ROBO2: variants seen among roughly 807,000 people sequenced by gnomAD.
ROBO2 encodes the protein roundabout homolog 2.
ROBO2 carries 53 observed loss-of-function variants against 160.8 expected under a neutral mutation model. That is an observed-to-expected ratio of 0.33 (90% CI 0.26 to 0.41). ROBO2 has a LOEUF of 0.41. Among genes scored for constraint, ROBO2 ranks in the 10% least tolerant of loss-of-function variants. The pLI is 1.00. For missense variants in ROBO2, 1,577 were observed against 1,722.4 expected, an observed-to-expected ratio of 0.92 and a Z score of 1.49; for synonymous variants, 664 against 611.7, an observed-to-expected ratio of 1.09 and a Z score of -1.26.
rs902492283 is a variant in ROBO2, at chr3:76,478,389, T to C, written c.109+540787T>C. Among the ~76,000 whole-genome samples the C allele has an allele frequency of 2.1e-3, 317 of 151,942 alleles. 1 individual carries two copies. The highest frequency in any genetic ancestry group is 3.7e-3 in the Non-Finnish European group (254 of 67,964). On this transcript the variant is annotated intron_variant, in intron 2 of 26. Coordinates refer to the ROBO2 transcript ENST00000487694. ...TTTTTTATGGCTGCATAGTATTCCA[T>C]GGTGTATATGTGCCACATTTTCTTA...
At chr3:76,741,205 G>C (rs2093796744) in intron 2 of ROBO2, among the ~76,000 whole-genome samples, 1 of 151,840 alleles carries the variant, frequency 6.6e-6, no homozygotes, top group Non-Finnish European at 1.5e-5. Context: ...TTTATCTACT[G>C]TTTCCTGCTG....
At chr3:76,634,694 G>A (rs1462664519) in intron 2 of ROBO2, among the ~76,000 whole-genome samples, 1 of 152,134 alleles carries the variant, frequency 6.6e-6, no homozygotes, top group African/African-American at 2.4e-5. Flanking sequence ...AAGTGCTAGA[G>A]GTTAGGGCTT....
chr3:77,356,882 AGTTTTT>A (rs377145088), intron 2 of ROBO2, among the ~76,000 whole-genome samples: 1,662 of 152,190 alleles, frequency 0.011, 16 homozygotes, highest in Middle Eastern at 0.017. Flanking sequence ...GATGGTTTGA[AGTTTTT>A]GTTATTAAAA....
At chr3:76,503,294 C>A (rs567262113) in intron 2 of ROBO2, among the ~76,000 whole-genome samples, 14 of 152,194 alleles carry the variant, frequency 9.2e-5, no homozygotes, top group African/African-American at 3.4e-4. Context: ...ACCAGAATAA[C>A]GGTGGATCTG....
intron 4 of ROBO2, among the ~76,000 whole-genome samples, chr3:77,489,629 G>A (rs2085817216): frequency 1.3e-5 from 2 of 152,274 alleles, no homozygotes; most frequent in South Asian, 2.1e-4. Flanking sequence ...TTGCCATTTG[G>A]ATTAATTATA....
At chr3:77,125,282 T>C (rs1431810698) in intron 2 of ROBO2, among the ~76,000 whole-genome samples, 1 of 152,168 alleles carries the variant, frequency 6.6e-6, no homozygotes, top group East Asian at 1.9e-4. Context: ...TTTCTGCTTC[T>C]AAGGGTGCTG....
intron 2 of ROBO2, among the ~76,000 whole-genome samples, chr3:77,471,465 G>A (rs958471399): frequency 1.3e-5 from 2 of 152,156 alleles, no homozygotes; most frequent in East Asian, 3.9e-4. Flanking sequence ...TTGGACTGAG[G>A]GCCTTGGTTT....
At chr3:76,704,427 C>G (rs142323711) in intron 2 of ROBO2, among the ~76,000 whole-genome samples, 1 of 152,012 alleles carries the variant, frequency 6.6e-6, no homozygotes. Context: ...TGTGGGTTAT[C>G]GCTGGAGGAC....
chr3:77,277,324 C>T lies in ROBO2; in HGVS notation c.388+178984C>T, dbSNP rs149892743. Among the ~76,000 whole-genome samples, 139 of 151,262 alleles carry T rather than the reference C, an allele frequency of 9.2e-4. 1 individual carries two copies. The highest frequency in any genetic ancestry group is 1.9e-3 in the Admixed American group (28 of 15,106). ...AACTATTATTTTAAGTTCAGGTGTA[C>T]ATGTGCAGGATGTGCAGGTTTGTTC... On this transcript the variant is annotated intron_variant, in intron 2 of 25. Coordinates refer to ENST00000461745, the Ensembl canonical transcript of ROBO2.
intron 2 of ROBO2, among the ~76,000 whole-genome samples, chr3:75,949,138 A>T (rs1034449567): frequency 1.3e-5 from 2 of 152,084 alleles, no homozygotes; most frequent in Admixed American, 6.6e-5. Context: ...ATTTCAAGTC[A>T]TATTTCTCAG....
chr3:77,083,714 A>G (rs2068936777), intron 1 of ROBO2, among the ~76,000 whole-genome samples: 1 of 152,096 alleles, frequency 6.6e-6, no homozygotes, highest in Admixed American at 6.6e-5. Context: ...ATAGAAATGG[A>G]AGAGTTAAAC....
At position 76,560,945 on chromosome 3, in the gene ROBO2, T is replaced by C. The variant is rs1398269838; in HGVS notation, c.110-537069T>C. On this transcript the variant is annotated intron_variant, in intron 2 of 26. Coordinates refer to the ROBO2 transcript ENST00000487694. ...ATATAAGAAGTAAGATATATATATA[T>C]ATATATATATATATATATATATATA... Among the ~76,000 whole-genome samples, 7 of 43,458 alleles carry C rather than the reference T, an allele frequency of 1.6e-4. No homozygotes were observed. The East Asian group carries it at 5.3e-3, about 33-fold the overall frequency. 28.5% of individuals were successfully genotyped at this position (43,458 alleles called of 152,430 possible).
At chr3:76,823,348 TTTTC>T (rs1489420672) in intron 2 of ROBO2, among the ~76,000 whole-genome samples, 1 of 152,166 alleles carries the variant, frequency 6.6e-6, no homozygotes, top group East Asian at 1.9e-4. Flanking sequence ...TTTAAAAATA[TTTTC>T]TTTGTTTAGA....
At position 77,373,867 on chromosome 3, in the gene ROBO2, CAAA is replaced by C. The variant is rs35983454; in HGVS notation, c.389-103531_389-103529del. ...AGAGCAGCCTCAACACCAAAGCAGGCAAAAAAAAAAAAAAAAAATGTTGGCGGG... is the reference window on the plus strand; with the variant it reads ...AGAGCAGCCTCAACACCAAAGCAGGCAAAAAAAAAAAAAAATGTTGGCGGG... On this transcript the variant is annotated intron_variant, in intron 2 of 25. Coordinates refer to ENST00000461745, the Ensembl canonical transcript of ROBO2. Among the ~76,000 whole-genome samples, 175 of 112,358 alleles carry C rather than the reference CAAA, an allele frequency of 1.6e-3. No homozygotes were observed. The Middle Eastern group carries it at 0.019, about 12-fold the overall frequency. 73.7% of individuals were successfully genotyped at this position (112,358 alleles called of 152,430 possible).
chr3:76,658,980 C>T (rs958482898), intron 2 of ROBO2, among the ~76,000 whole-genome samples: 6 of 151,868 alleles, frequency 4.0e-5, no homozygotes, highest in Non-Finnish European at 7.4e-5. Context: ...TATGAATTTC[C>T]CTAAGATAAA....
intron 2 of ROBO2, among the ~76,000 whole-genome samples, chr3:76,386,513 T>A (rs962334698): frequency 3.3e-5 from 5 of 152,108 alleles, no homozygotes; most frequent in African/African-American, 7.2e-5. Context: ...TACACTTTTT[T>A]AAGGGTTTTT....
At chr3:76,687,469 A>C (rs1275901529) in intron 2 of ROBO2, among the ~76,000 whole-genome samples, 2 of 152,080 alleles carry the variant, frequency 1.3e-5, no homozygotes, top group Non-Finnish European at 2.9e-5. Flanking sequence ...CAGGGCCTTA[A>C]AGATGACAGT....
chr3:77,508,133 T>C (rs1029738512), intron 5 of ROBO2, among the ~76,000 whole-genome samples: 2 of 151,864 alleles, frequency 1.3e-5, no homozygotes, highest in South Asian at 4.2e-4. Context: ...AAAGCACATA[T>C]GTATCTTGTT....
chr3:75,928,151 A>AT (rs1395848532), intron 1 of ROBO2, among the ~76,000 whole-genome samples: 2 of 146,994 alleles, frequency 1.4e-5, no homozygotes, highest in East Asian at 2.0e-4. Context: ...CGCCCGGCTT[A>AT]TTTTTTGTAT....
Sources: gnomAD v4.1 joint callset for allele counts (sites outside exome capture counted in the v4.1 genomes callset) on GRCh38, gnomAD v4.1.1 for gene constraint, MANE v1.5 for transcripts, NCBI Gene and HGNC (gene_info 2026-07-23, HGNC 2026-07-21) for gene names.